The following L3MBTL4 variants were observed in gnomAD, a reference collection of about 807,000 sequenced individuals.
L3MBTL4 encodes L3MBTL histone methyl-lysine binding protein 4, also known as lethal(3)malignant brain tumor-like protein 4.
L3MBTL4 carries 70 observed loss-of-function variants against 84.5 expected under a neutral mutation model. The observed-to-expected ratio is 0.83, with a 90% confidence interval of 0.68 to 1.01. L3MBTL4 has a LOEUF of 1.01. Ranked by LOEUF, L3MBTL4 falls within the 50% of genes least tolerant of loss-of-function variation. The pLI, the probability that L3MBTL4 is intolerant of heterozygous loss-of-function variation, is 0.00. For missense variants in L3MBTL4, 715 were observed against 754.8 expected (o/e 0.95, Z 0.62); for synonymous variants, 274 against 259.8 (o/e 1.05, Z -0.52).
At chr18:6,397,485 T>C (rs1261253063) in intron 1 of L3MBTL4, 2 of 152,144 alleles carry the variant, frequency 1.3e-5, no homozygotes, top group African/African-American at 4.8e-5. Context: ...AGAGCCCAAA[T>C]TGAAAAATCT....
At chr18:6,399,128 A>C (rs2055404366) in intron 1 of L3MBTL4, among the ~76,000 whole-genome samples, 1 of 152,144 alleles carries the variant, frequency 6.6e-6, no homozygotes, top group Non-Finnish European at 1.5e-5. Context: ...TTTTAATTAC[A>C]CTTAGCCAAA....
At chr18:6,310,749 G>A (rs897902102) in intron 3 of L3MBTL4, among the ~76,000 whole-genome samples, 2 of 152,280 alleles carry the variant, frequency 1.3e-5, no homozygotes, top group African/African-American at 2.4e-5. Flanking sequence ...TAAATTTGCA[G>A]GAATACATAA....
chr18:6,353,295 A>T (rs960901556), intron 1 of L3MBTL4, among the ~76,000 whole-genome samples: 3 of 149,708 alleles, frequency 2.0e-5, no homozygotes, highest in African/African-American at 7.5e-5. Flanking sequence ...AAAAAAAAAA[A>T]TGCTTATTTG....
chr18:6,093,357 G>T lies in L3MBTL4; in HGVS notation c.1371C>A (p.Pro457=), dbSNP rs781560214. Residue 457 remains proline, a splice_region_variant and synonymous_variant, in exon 15 of 19, where the codon CCC becomes CCA. Coordinates refer to ENST00000317931, the MANE Select transcript of L3MBTL4 (RefSeq NM_001330559.2). ...NGKHEKVNSQ[P]RLVQQAKCLK... ...CACATTTTTAAGAAGTTTCTTACCT[G>T]GGCTGACTGTTCACCTTTTCATGTT... 1 of 1,604,422 alleles carries T rather than the reference G, an allele frequency of 6.2e-7. No homozygotes were observed. Among genetic ancestry groups the T allele is most frequent in the South Asian group, 1.1e-5 (1 of 89,020 alleles).
chr18:5,961,055 G>A (rs2144667418), intron 17 of L3MBTL4, among the ~76,000 whole-genome samples: 1 of 152,352 alleles, frequency 6.6e-6, no homozygotes, highest in Non-Finnish European at 1.5e-5. Context: ...AAGTGCAACA[G>A]TAAATGTAAT....
rs149417161 is a variant in L3MBTL4 at position 6,175,784 on chromosome 18, T to G, written c.982-3842A>C. On this transcript the variant is annotated intron_variant, in intron 12 of 18. Coordinates refer to ENST00000317931, the MANE Select transcript of L3MBTL4 (RefSeq NM_001330559.2). ...AAAATCAAGAATAAGGCAAGTTTAT[T>G]CATTCTTACTGTTTCTAGTCAACAT... Among the ~76,000 whole-genome samples, 501 of 152,314 alleles carry G rather than the reference T, an allele frequency of 3.3e-3. 2 individuals are homozygous for G. The highest frequency in any genetic ancestry group is 0.011 in the African/African-American group (467 of 41,578).
Position 6,328,146 on chromosome 18 carries a change from C to T in L3MBTL4, c.-90-16090G>A, listed in dbSNP as rs141248652. Among the ~76,000 whole-genome samples, 1,033 of 152,334 alleles carry T rather than the reference C, an allele frequency of 6.8e-3. 8 individuals carry two copies. Among genetic ancestry groups the T allele is most frequent in the Middle Eastern group, 0.017 (5 of 294 alleles). ...ATTTGTCTATCTCCAACATGTAACA[C>T]CTTACCTAATGGCTCCATTTCTAAA... On this transcript the variant is annotated intron_variant, in intron 1 of 18. Coordinates refer to ENST00000317931, the MANE Select transcript of L3MBTL4 (RefSeq NM_001330559.2).
At position 6,217,259 on chromosome 18, in the gene L3MBTL4, TC is replaced by T. The variant is rs1420458632; in HGVS notation, c.785-1425del. ...ACATTTCCAGAGCTCCAGGATCCCC[TC>T]CCCATCATCGTCCCTTCTAGGCACC... On this transcript the variant is annotated intron_variant, in intron 10 of 18. Transcript: ENST00000317931. 3.3e-5 allele frequency among the ~76,000 whole-genome samples: 5 copies of T among 152,092 alleles called. 1 individual carries two copies. The highest frequency in any genetic ancestry group is 1.2e-4 in the African/African-American group (5 of 41,408).
intron 13 of L3MBTL4, among the ~76,000 whole-genome samples, chr18:6,138,913 G>A (rs1165997075): frequency 1.3e-5 from 2 of 152,084 alleles, no homozygotes; most frequent in Non-Finnish European, 2.9e-5. Flanking sequence ...ATACAGCCAC[G>A]AGCTGAGAAT....
At chr18:5,987,968 A>G (rs2145103561) in intron 16 of L3MBTL4, among the ~76,000 whole-genome samples, 1 of 152,344 alleles carries the variant, frequency 6.6e-6, no homozygotes, top group Middle Eastern at 3.4e-3. Context: ...GCTAATGCAT[A>G]TTACAATATA....
At chr18:6,259,875 A>C (rs930599980) in intron 5 of L3MBTL4, 1 of 152,164 alleles carries the variant, frequency 6.6e-6, no homozygotes, top group African/African-American at 2.4e-5. Flanking sequence ...ACCAATGCTG[A>C]GAATGGTGTC....
intron 4 of L3MBTL4, among the ~76,000 whole-genome samples, chr18:6,277,101 A>G (rs1309525071): frequency 1.5e-5 from 2 of 133,004 alleles, no homozygotes; most frequent in African/African-American, 5.7e-5. Flanking sequence ...AAATATTCTC[A>G]TAAGGAAGGG....
chr18:6,064,694 G>A (rs1322925164), intron 16 of L3MBTL4, among the ~76,000 whole-genome samples: 1 of 149,132 alleles, frequency 6.7e-6, no homozygotes, highest in Non-Finnish European at 1.5e-5. Context: ...TGTGTACATT[G>A]ATTTTGTAGC....
At chr18:6,366,876 G>T (rs1045997423) in intron 1 of L3MBTL4, among the ~76,000 whole-genome samples, 8 of 152,364 alleles carry the variant, frequency 5.3e-5, no homozygotes, top group Non-Finnish European at 1.2e-4. Flanking sequence ...TGAATGTATT[G>T]TATACCTACA....
intron 5 of L3MBTL4, among the ~76,000 whole-genome samples, chr18:6,263,269 C>CAAAAAAAAAAAAAAAAAAAAAAAA (rs750079581): frequency 1.6e-5 from 1 of 60,702 alleles, no homozygotes; most frequent in Non-Finnish European, 3.6e-5. Flanking sequence ...CTCCGTCTCA[C>CAAAAAAAAAAAAAAAAAAAAAAAA]AAAAAAAAAA....
chr18:6,062,759 A>T (rs1332820678), intron 16 of L3MBTL4, among the ~76,000 whole-genome samples: 1 of 150,126 alleles, frequency 6.7e-6, no homozygotes, highest in Non-Finnish European at 1.5e-5. Flanking sequence ...AGTCATGTTG[A>T]CTCTGTTAAC....
chr18:6,319,044 C>T (rs973332194), intron 1 of L3MBTL4, among the ~76,000 whole-genome samples: 1 of 152,040 alleles, frequency 6.6e-6, no homozygotes, highest in Non-Finnish European at 1.5e-5. Flanking sequence ...GGGTTAACAA[C>T]GAAACCAAGA....
chr18:6,056,081 G>A (rs1356123790), intron 16 of L3MBTL4, among the ~76,000 whole-genome samples: 4 of 151,950 alleles, frequency 2.6e-5, no homozygotes, highest in Non-Finnish European at 5.9e-5. Context: ...GATTTGGGTT[G>A]ATATGTCCAT....
chr18:6,011,755 G>T (rs2054750253), intron 16 of L3MBTL4, among the ~76,000 whole-genome samples: 1 of 152,142 alleles, frequency 6.6e-6, no homozygotes, highest in African/African-American at 2.4e-5. Context: ...TGGCTTTTAG[G>T]CATACAACAG....
Sources: gnomAD v4.1 joint callset for allele counts (sites outside exome capture counted in the v4.1 genomes callset) on GRCh38, gnomAD v4.1.1 for gene constraint, MANE v1.5 for transcripts, NCBI Gene and HGNC (gene_info 2026-07-23, HGNC 2026-07-21) for gene names.